AIG1: variants seen among roughly 807,000 people sequenced by gnomAD.
The protein encoded by AIG1 is androgen-induced gene 1 protein.
Under a neutral mutation model 31.4 loss-of-function variants are expected in AIG1, and 23 were observed. The observed-to-expected ratio is 0.73, with a 90% confidence interval of 0.53 to 1.04. The LOEUF is 1.04. Among genes scored for constraint, AIG1 ranks in the 50% least tolerant of loss-of-function variants. The pLI, the probability that AIG1 is intolerant of heterozygous loss-of-function variation, is 0.00. For synonymous variants in AIG1, 100 were observed against 110.5 expected (o/e 0.90, Z 0.60); for missense variants, 274 against 295.0 (o/e 0.93, Z 0.52).
rs113570197 is a variant in AIG1, at chr6:143,217,849, G to A, written c.399+52666G>A. On this transcript the variant is annotated intron_variant, in intron 3 of 5. Coordinates refer to ENST00000357847, the MANE Select transcript of AIG1 (RefSeq NM_016108.4). ...TTGATTACTTAGGATAAATTCTCAA[G>A]GGTGGGATTACTGATCACGTGGTAG... Among the ~76,000 whole-genome samples the A allele has an allele frequency of 6.4e-3, 972 of 152,314 alleles. 8 individuals carry two copies. The highest frequency in any genetic ancestry group is 0.019 in the African/African-American group (808 of 41,568).
intron 4 of AIG1, among the ~76,000 whole-genome samples, chr6:143,321,181 T>C (rs1427603395): frequency 6.6e-6 from 1 of 152,116 alleles, no homozygotes; most frequent in African/African-American, 2.4e-5. Context: ...GTTTTACAGG[T>C]GATGGTTATG....
Position 143,268,126 on chromosome 6 carries a change from T to C in AIG1, c.400-15984T>C, listed in dbSNP as rs1290161047. Among the ~76,000 whole-genome samples, 2 of 152,176 alleles carry C rather than the reference T, an allele frequency of 1.3e-5. No homozygotes were observed. Among genetic ancestry groups the C allele is most frequent in the Admixed American group, 6.5e-5 (1 of 15,280 alleles). On this transcript the variant is annotated intron_variant, in intron 3 of 5. Transcript: ENST00000357847. This position sits in a 1 kb window ranked among gnomAD's most constrained non-coding sequence, Gnocchi z 5.0. ...AAATAGGGAGGATTATGACTTGATA[T>C]ATAAAGTTTGGGAAATAAAGCCATT...
At chr6:143,341,645 G>A (rs1777858591), downstream of AIG1, among the ~76,000 whole-genome samples, 1 of 152,272 alleles carries the variant, frequency 6.6e-6, no homozygotes, top group South Asian at 2.1e-4. Flanking sequence ...GGACTCAGAG[G>A]AACCAAACCT....
intron 1 of AIG1, among the ~76,000 whole-genome samples, chr6:143,122,778 C>T (rs1754603848): frequency 6.6e-6 from 1 of 152,148 alleles, no homozygotes; most frequent in South Asian, 2.1e-4. Context: ...TCATTGAGAA[C>T]AGCTTGACCT....
At chr6:143,175,767 G>A (rs1359028711) in intron 3 of AIG1, among the ~76,000 whole-genome samples, 1 of 152,100 alleles carries the variant, frequency 6.6e-6, no homozygotes, top group Non-Finnish European at 1.5e-5. Context: ...GTGTGTCCTT[G>A]ATTAGCTTAA....
intron 1 of AIG1, among the ~76,000 whole-genome samples, chr6:143,111,445 C>G (rs188247290): frequency 1.3e-5 from 2 of 152,328 alleles, no homozygotes; most frequent in East Asian, 3.9e-4. Context: ...CTTCCTACCT[C>G]TCTGACTCTT....
chr6:143,142,531 C>T lies in AIG1; in HGVS notation c.297+5541C>T, dbSNP rs554433780. On this transcript the variant is annotated intron_variant, in intron 2 of 5. Coordinates refer to ENST00000357847, the MANE Select transcript of AIG1 (RefSeq NM_016108.4). The stretch of plus-strand genomic sequence containing the variant: ...GCCCCAGTGCTGGTCTGCTGCATCG[C>T]GGTATGAAGATGATAGCCCTTTCTG... 4.9e-4 allele frequency among the ~76,000 whole-genome samples: 74 copies of T among 152,222 alleles called. 3 individuals carry two copies. In the South Asian group the frequency reaches 0.014, roughly 28 times the overall value.
chr6:143,098,587 C>T (rs1405939788), intron 1 of AIG1, among the ~76,000 whole-genome samples: 1 of 152,146 alleles, frequency 6.6e-6, no homozygotes, highest in East Asian at 1.9e-4. Context: ...TGTTGGTCCC[C>T]CAAATTTATA....
intron 3 of AIG1, among the ~76,000 whole-genome samples, chr6:143,175,239 T>C (rs546082929): frequency 6.6e-6 from 1 of 152,362 alleles, no homozygotes; most frequent in East Asian, 1.9e-4. Context: ...CTTAAGATTC[T>C]TTCCTTTGTG....
chr6:143,119,208 G>A (rs1353149173), intron 1 of AIG1, among the ~76,000 whole-genome samples: 3 of 152,184 alleles, frequency 2.0e-5, no homozygotes, highest in Non-Finnish European at 2.9e-5. Flanking sequence ...ATGTCTGGGA[G>A]CACGCTGGCT....
At chr6:143,341,143 T>C (rs986102545), downstream of AIG1, among the ~76,000 whole-genome samples, 1 of 152,182 alleles carries the variant, frequency 6.6e-6, no homozygotes, top group African/African-American at 2.4e-5. Flanking sequence ...GATAGAAATA[T>C]AGAATGCATC....
intron 3 of AIG1, among the ~76,000 whole-genome samples, chr6:143,202,610 A>C (rs918751133): frequency 1.8e-4 from 28 of 152,182 alleles, no homozygotes; most frequent in Admixed American, 1.6e-3. Context: ...CCCAAAAGAG[A>C]TTATGTTTTA....
chr6:143,341,836 C>T (rs527326081), downstream of AIG1, among the ~76,000 whole-genome samples: 7 of 152,272 alleles, frequency 4.6e-5, no homozygotes, highest in East Asian at 9.6e-4. Flanking sequence ...CTTACTTAGG[C>T]GGTGGCTCCA....
chr6:143,088,951 C>T (rs1479871016), intron 1 of AIG1, among the ~76,000 whole-genome samples: 2 of 152,140 alleles, frequency 1.3e-5, no homozygotes, highest in Non-Finnish European at 2.9e-5. Context: ...TGCCTCATGC[C>T]TGTAATCCCA....
At chr6:143,140,610 C>T (rs1784167779) in intron 2 of AIG1, among the ~76,000 whole-genome samples, 1 of 152,174 alleles carries the variant, frequency 6.6e-6, no homozygotes, top group Non-Finnish European at 1.5e-5. Context: ...ATCATTTTTA[C>T]TTTTTCTGTG....
At chr6:143,216,802 C>T (rs1792065912) in intron 3 of AIG1, among the ~76,000 whole-genome samples, 1 of 152,184 alleles carries the variant, frequency 6.6e-6, no homozygotes, top group African/African-American at 2.4e-5. Context: ...TCTTCCCCAG[C>T]TGCGTGAGGA....
intron 1 of AIG1, among the ~76,000 whole-genome samples, chr6:143,108,736 G>C (rs1381020611): frequency 6.6e-6 from 1 of 152,152 alleles, no homozygotes; most frequent in Non-Finnish European, 1.5e-5. Flanking sequence ...GTGTTTTCCT[G>C]TGGAATGCCA....
upstream of AIG1, chr6:143,060,691 G>A (rs1475281837): frequency 1.1e-5 from 5 of 447,158 alleles, no homozygotes; most frequent in Non-Finnish European, 1.9e-5. Context: ...CTGCCAGGCC[G>A]CGGCCGGCAG....
intron 1 of AIG1, among the ~76,000 whole-genome samples, chr6:143,134,213 T>G (rs775761849): frequency 3.9e-5 from 6 of 152,068 alleles, no homozygotes; most frequent in Non-Finnish European, 7.4e-5. Context: ...TTTGTACAGT[T>G]GAAGCCCTGT....
Sources: allele counts gnomAD v4.1 joint callset (sites outside exome capture counted in the v4.1 genomes callset), GRCh38; gene constraint gnomAD v4.1.1; non-coding constraint Gnocchi (gnomAD v3.1); transcripts MANE v1.5; gene names NCBI Gene and HGNC (gene_info 2026-07-23, HGNC 2026-07-21).